RPL19: variants seen among roughly 807,000 people sequenced by gnomAD.
RPL19 encodes the protein ribosomal protein L19, also known as large ribosomal subunit protein eL19.
Under a neutral mutation model 25.1 loss-of-function variants are expected in RPL19, and 2 were observed. The observed-to-expected ratio is 0.08, with a 90% CI of 0.03 to 0.25. The LOEUF (loss-of-function observed/expected upper bound fraction) is 0.25. Among genes scored for constraint, RPL19 ranks in the 10% least tolerant of loss-of-function variants. RPL19 has a pLI of 1.00. For missense variants in RPL19, 123 were observed against 271.8 expected (o/e 0.45, Z 3.85); for synonymous variants, 89 against 91.2 (o/e 0.98, Z 0.14).
Position 39,204,526 on chromosome 17 carries a change from G to T in RPL19, c.469G>T (p.Asp157Tyr). Residue 157 changes from aspartate to tyrosine, a missense_variant and splice_region_variant, in exon 6 of 6, where the codon GAC becomes TAC. By Grantham distance (160) the Asp-to-Tyr change is radical (BLOSUM62 -3). Coordinates refer to ENST00000225430, the MANE Select transcript of RPL19 (RefSeq NM_000981.4). ...CCGTCTTTTCTCTTCCCTGACCAGTGACCAGGCTGAGGCCCGCAGGTCTAA... is the reference window on the plus strand; with the variant it reads ...CCGTCTTTTCTCTTCCCTGACCAGTTACCAGGCTGAGGCCCGCAGGTCTAA... ...ADKARKKLLA[D>Y]QAEARRSKTK... 1.2e-6 allele frequency: 2 copies of T among 1,614,050 alleles called. No homozygotes were observed. Among genetic ancestry groups the T allele is most frequent in the South Asian group, 1.1e-5 (1 of 91,032 alleles).
At chr17:39,200,707 C>T in intron 1 of RPL19, 1 of 1,087,996 alleles carries the variant, frequency 9.2e-7, no homozygotes, top group Non-Finnish European at 1.1e-6. Flanking sequence ...GTAGGGCAAG[C>T]CTAGTGTAGG....
Position 39,204,658 on chromosome 17 carries a change from C to T in RPL19, c.*10C>T. The T allele has an allele frequency of 6.2e-7, 1 of 1,613,422 alleles. No individual in the cohort carries two copies. Among genetic ancestry groups the T allele is most frequent in the Non-Finnish European group, 8.5e-7 (1 of 1,179,550 alleles). ...AGAGACCAAGAAATAAAACCTCCCA[C>T]TTTGTCTGTACATACTGGCCTCTGT... On this transcript the variant is annotated 3_prime_UTR_variant, in exon 6 of 6. Transcript: ENST00000225430.
chr17:39,200,313 A>C lies in RPL19; in HGVS notation c.-32A>C. On this transcript the variant is annotated 5_prime_UTR_variant, in exon 1 of 6. Transcript: ENST00000225430. ...TAATGGGAGGAGCCGGGCCCGAGCGAGCTCTTTCCTTTCGCTGCTGCGGCC... is the reference window on the plus strand; with the variant it reads ...TAATGGGAGGAGCCGGGCCCGAGCGCGCTCTTTCCTTTCGCTGCTGCGGCC... The C allele has an allele frequency of 1.3e-6, 2 of 1,541,896 alleles. No individual in the cohort carries two copies. Among genetic ancestry groups the C allele is most frequent in the Non-Finnish European group, 1.7e-6 (2 of 1,144,550 alleles).
chr17:39,202,804 A>C (rs1426568985), intron 3 of RPL19, 185 bp from the exon 4 acceptor site: 1 of 669,456 alleles, frequency 1.5e-6, no homozygotes, highest in Non-Finnish European at 2.5e-6. Context: ...CTTCCTTTAA[A>C]ATTGAGTAAA....
chr17:39,202,922 T>C, intron 3 of RPL19, 67 bp from the exon 4 acceptor site: 1 of 1,571,354 alleles, frequency 6.4e-7, no homozygotes, highest in South Asian at 1.1e-5. Context: ...TGAAACTATA[T>C]TCACTTGGTG....
intron 5 of RPL19, among the ~76,000 whole-genome samples, 153 bp downstream of exon 5, chr17:39,204,340 T>G (rs917781476): frequency 1.3e-5 from 2 of 152,214 alleles, no homozygotes; most frequent in Non-Finnish European, 2.9e-5. Flanking sequence ...TCCTCTGTCC[T>G]GTACACACCC....
chr17:39,200,483 G>A, intron 1 of RPL19, 134 bp downstream of exon 1: 1 of 1,319,894 alleles, frequency 7.6e-7, no homozygotes, highest in Non-Finnish European at 9.7e-7. Flanking sequence ...TTTGGGGTAG[G>A]CCGGAGCACT....
intron 4 of RPL19, 116 bp from the exon 5 acceptor site, chr17:39,203,961 C>A: frequency 1.6e-6 from 1 of 641,212 alleles, no homozygotes; most frequent in Non-Finnish European, 2.8e-6. Context: ...ATTCATGCAG[C>A]AATAGGAGAA....
intron 2 of RPL19, 76 bp from the exon 3 acceptor site, chr17:39,202,241 C>G: frequency 6.3e-7 from 1 of 1,578,884 alleles, no homozygotes; most frequent in South Asian, 1.1e-5. Flanking sequence ...TGAGCAGTGT[C>G]TCTGGCCTGG....
chr17:39,203,749 C>T (rs1271340779), intron 4 of RPL19, among the ~76,000 whole-genome samples: 6 of 152,028 alleles, frequency 3.9e-5, no homozygotes, highest in Non-Finnish European at 4.4e-5. Flanking sequence ...TCAAGTGATC[C>T]GCCCGCCTCA....
chr17:39,204,246 G>A (rs2046309604), intron 5 of RPL19, 59 bp downstream of exon 5: 2 of 1,137,958 alleles, frequency 1.8e-6, no homozygotes, highest in Non-Finnish European at 1.3e-6. Context: ...GTTGTTCTTA[G>A]ATACTTAAAA....
At chr17:39,200,518 G>A in intron 1 of RPL19, 169 bp downstream of exon 1, 3 of 1,299,284 alleles carry the variant, frequency 2.3e-6, no homozygotes, top group South Asian at 2.2e-5. Flanking sequence ...CCGGAGTGAG[G>A]GGGGGCGGGG....
At chr17:39,203,565 C>T (rs183034189) in intron 4 of RPL19, among the ~76,000 whole-genome samples, 67 of 151,004 alleles carry the variant, frequency 4.4e-4, no homozygotes, top group Admixed American at 4.2e-3. Context: ...GGATGGAATG[C>T]AGTGGCACGA....
chr17:39,202,479 T>C (rs763138554), intron 3 of RPL19, 40 bp downstream of exon 3: 6 of 1,608,754 alleles, frequency 3.7e-6, no homozygotes, highest in Non-Finnish European at 5.1e-6. Flanking sequence ...TGATAGGTGC[T>C]GGCATCTATG....
chr17:39,201,729 A>C (rs1050025283), intron 2 of RPL19, among the ~76,000 whole-genome samples: 2 of 151,836 alleles, frequency 1.3e-5, no homozygotes, highest in African/African-American at 4.8e-5. Flanking sequence ...GTGCCACCAC[A>C]CCCAGCTAAT....
chr17:39,200,871 C>A, intron 1 of RPL19: 1 of 627,310 alleles, frequency 1.6e-6, no homozygotes, highest in Non-Finnish European at 2.1e-6. Flanking sequence ...AGTAACTTGC[C>A]TGCATTCCTA....
intron 2 of RPL19, among the ~76,000 whole-genome samples, chr17:39,201,941 A>G (rs931636214): frequency 6.6e-6 from 1 of 152,086 alleles, no homozygotes; most frequent in Non-Finnish European, 1.5e-5. Context: ...TCATTGTATC[A>G]GGCTTGTTCT....
Position 39,202,306 on chromosome 17 carries a change from T to C in RPL19, c.113-11T>C. The C allele has an allele frequency of 1.2e-6, 2 of 1,613,166 alleles. No homozygotes were observed. The highest frequency in any genetic ancestry group is 1.7e-6 in the Non-Finnish European group (2 of 1,179,842). ...CCCAGTTGACTGACCAGGTGCATTA[T>C]GCTTTCCCAGGTCAGCAGATCCGGA... On this transcript the variant is annotated splice_polypyrimidine_tract_variant and intron_variant, in intron 2 of 5. Coordinates refer to ENST00000225430, the MANE Select transcript of RPL19 (RefSeq NM_000981.4).
At chr17:39,203,866 A>G (rs968376404) in intron 4 of RPL19, among the ~76,000 whole-genome samples, 2 of 152,028 alleles carry the variant, frequency 1.3e-5, no homozygotes, top group Admixed American at 6.6e-5. Context: ...TTTTCCCTGT[A>G]TGTCATCAGG....
Sources: allele counts gnomAD v4.1 joint callset (sites outside exome capture counted in the v4.1 genomes callset), GRCh38; gene constraint gnomAD v4.1.1; transcripts MANE v1.5; gene names NCBI Gene and HGNC (gene_info 2026-07-23, HGNC 2026-07-21).